Variants in LUZP2 observed in about 807,000 individuals in gnomAD.
LUZP2 encodes leucine zipper protein 2.
In LUZP2, 52 loss-of-function variants were observed where a neutral mutation model predicts 51.6. The observed-to-expected ratio is 1.01, with a 90% CI of 0.81 to 1.27. LUZP2 has a LOEUF of 1.27. LUZP2 is among the 50% of genes most tolerant of loss of function. LUZP2 has a pLI of 0.00. For synonymous variants in LUZP2, 154 were observed against 137.3 expected (o/e 1.12, Z -0.85); for missense variants, 436 against 395.4 (o/e 1.10, Z -0.87).
rs1298721242 is a variant in LUZP2 at position 24,777,667 on chromosome 11, T to C, written c.396+14359T>C. 4.6e-5 allele frequency among the ~76,000 whole-genome samples: 7 copies of C among 152,318 alleles called. No individual in the cohort carries two copies. In the East Asian group the frequency reaches 9.7e-4, roughly 21 times the overall value. On this transcript the variant is annotated intron_variant, in intron 5 of 11. Transcript: ENST00000336930. ...ATTTATACAATTTTTGTACAACTTA[T>C]AGTCTTATTCTAAAAGCCATGTGTC...
chr11:24,939,000 A>G (rs1854669363), intron 7 of LUZP2, among the ~76,000 whole-genome samples: 1 of 152,156 alleles, frequency 6.6e-6, no homozygotes, highest in African/African-American at 2.4e-5. Context: ...CTAATGGTCT[A>G]GCCACACTTT....
At chr11:24,996,275 TTC>T (rs937226644) in intron 9 of LUZP2, among the ~76,000 whole-genome samples, 2 of 151,242 alleles carry the variant, frequency 1.3e-5, no homozygotes, top group African/African-American at 4.8e-5. Flanking sequence ...AATAATACGT[TTC>T]TCTCTCTCTC....
intron 5 of LUZP2, among the ~76,000 whole-genome samples, chr11:24,815,518 T>C (rs981794400): frequency 6.6e-6 from 1 of 152,200 alleles, no homozygotes; most frequent in Non-Finnish European, 1.5e-5. Flanking sequence ...ATCTTAATAA[T>C]ATAACTCTCC....
chr11:24,712,344 C>T (rs1173149404), intron 1 of LUZP2, among the ~76,000 whole-genome samples: 8 of 151,874 alleles, frequency 5.3e-5, no homozygotes, highest in Admixed American at 5.3e-4. Context: ...CAGCTTGAGC[C>T]CAGAAAGTCG....
At chr11:24,956,769 A>G (rs923563608) in intron 7 of LUZP2, among the ~76,000 whole-genome samples, 7 of 152,088 alleles carry the variant, frequency 4.6e-5, no homozygotes, top group African/African-American at 1.7e-4. Flanking sequence ...AATGAAAGAA[A>G]GTGGGATTTG....
At chr11:25,078,413 A>G (rs1412702481) in intron 11 of LUZP2, 141 bp from the exon 12 acceptor site, 1 of 613,664 alleles carries the variant, frequency 1.6e-6, no homozygotes, top group South Asian at 2.3e-5. Context: ...CATTTGTTTC[A>G]TTTCTGTCCT....
chr11:24,986,739 A>T, intron 9 of LUZP2, among the ~76,000 whole-genome samples: 1 of 151,756 alleles, frequency 6.6e-6, no homozygotes, highest in East Asian at 1.9e-4. Flanking sequence ...CTCACTTTGT[A>T]TATCTATTGC....
intron 1 of LUZP2, among the ~76,000 whole-genome samples, chr11:24,688,548 T>G (rs1292515591): frequency 6.8e-6 from 1 of 147,864 alleles, no homozygotes; most frequent in Non-Finnish European, 1.5e-5. Flanking sequence ...AATATCATGA[T>G]AAGCAGGCTA....
At chr11:25,046,882 T>C (rs991446314) in intron 9 of LUZP2, among the ~76,000 whole-genome samples, 26 of 152,230 alleles carry the variant, frequency 1.7e-4, no homozygotes, top group East Asian at 9.7e-4. Context: ...ATGGAGACAA[T>C]AATTGTGACT....
At chr11:25,053,338 A>C (rs1858581065) in intron 10 of LUZP2, among the ~76,000 whole-genome samples, 1 of 152,158 alleles carries the variant, frequency 6.6e-6, no homozygotes, top group Admixed American at 6.5e-5. Flanking sequence ...GTACTCTGTT[A>C]ATAATTAGAA....
Position 24,812,908 on chromosome 11 carries a change from G to A in LUZP2, c.396+49600G>A, listed in dbSNP as rs149466685. The stretch of plus-strand genomic sequence containing the variant: ...GGAATTCTTAAGTACAGCAAACCTA[G>A]AGATCTGGCTCCTTGGAAAACAACT... On this transcript the variant is annotated intron_variant, in intron 5 of 11. Transcript: ENST00000336930. 2.8e-3 allele frequency among the ~76,000 whole-genome samples: 430 copies of A among 152,222 alleles called. 2 individuals carry two copies. Among genetic ancestry groups the A allele is most frequent in the African/African-American group, 9.9e-3 (410 of 41,528 alleles).
chr11:24,999,596 G>C (rs1195384988), intron 9 of LUZP2, among the ~76,000 whole-genome samples: 1 of 145,718 alleles, frequency 6.9e-6, no homozygotes, highest in Non-Finnish European at 1.5e-5. Context: ...TTAATCCCTT[G>C]ACCTCGTGAT....
chr11:24,963,363 C>T (rs1855476419), intron 7 of LUZP2, among the ~76,000 whole-genome samples: 1 of 152,188 alleles, frequency 6.6e-6, no homozygotes, highest in South Asian at 2.1e-4. Context: ...GCCCTGCCCC[C>T]AGAGGTGGAG....
intron 1 of LUZP2, among the ~76,000 whole-genome samples, chr11:24,698,274 G>A (rs2133903093): frequency 6.6e-6 from 1 of 152,296 alleles, no homozygotes; most frequent in Non-Finnish European, 1.5e-5. Flanking sequence ...AAATGAGGGT[G>A]CTGAAATTTT....
intron 5 of LUZP2, among the ~76,000 whole-genome samples, chr11:24,875,518 T>A (rs1437861007): frequency 2.0e-4 from 28 of 142,990 alleles, no homozygotes; most frequent in African/African-American, 5.7e-4. Flanking sequence ...GACATTTGGG[T>A]TGGTTCCAAG....
intron 1 of LUZP2, among the ~76,000 whole-genome samples, chr11:24,707,280 C>T (rs1857623292): frequency 6.6e-6 from 1 of 150,768 alleles, no homozygotes; most frequent in South Asian, 2.1e-4. Context: ...CTTTCTATCT[C>T]TCTCTCTCTC....
chr11:24,555,187 G>A (rs7107070), intron 1 of LUZP2, among the ~76,000 whole-genome samples: 63,265 of 151,922 alleles, frequency 0.42, 13,669 homozygotes, highest in African/African-American at 0.51. Context: ...TAGAATATGG[G>A]AGATTTAGAA....
At chr11:24,522,798 A>AT (rs1850685115) in intron 1 of LUZP2, among the ~76,000 whole-genome samples, 1 of 152,138 alleles carries the variant, frequency 6.6e-6, no homozygotes, top group Non-Finnish European at 1.5e-5. Context: ...ATGACTATGA[A>AT]TAAAAAAGAT....
intron 5 of LUZP2, among the ~76,000 whole-genome samples, chr11:24,764,808 A>G (rs980025977): frequency 1.3e-5 from 2 of 152,178 alleles, no homozygotes; most frequent in African/African-American, 4.8e-5. Flanking sequence ...TAAGCAACAT[A>G]ATGAGATTCC....
Sources: allele counts gnomAD v4.1 joint callset (sites outside exome capture counted in the v4.1 genomes callset), GRCh38; gene constraint gnomAD v4.1.1; transcripts MANE v1.5; gene names NCBI Gene and HGNC (gene_info 2026-07-23, HGNC 2026-07-21).